Variants in LARP4 observed in about 807,000 individuals in gnomAD.
The protein encoded by LARP4 is la-related protein 4.
A neutral mutation model predicts 92.9 loss-of-function variants in LARP4; 29 were observed. The ratio of observed to expected loss-of-function variants is 0.31; its 90% CI spans 0.23 to 0.43. LARP4 has a LOEUF of 0.43. Ranked by LOEUF, LARP4 falls within the 20% of genes least tolerant of loss-of-function variation. The pLI is 1.00. For missense variants in LARP4, 732 were observed against 860.0 expected (o/e 0.85, Z 1.86); for synonymous variants, 279 against 284.1 (o/e 0.98, Z 0.18).
rs530496746 is a variant in LARP4, at chr12:50,423,231, T to C, written c.19-4531T>C. On this transcript the variant is annotated intron_variant, in intron 1 of 15. Transcript: ENST00000398473. ...AAAAATTTTTATTTTCTTAGTCTTT[T>C]TAGGTTTTTTAGGTTTCAGTTTTAT... Among the ~76,000 whole-genome samples the C allele has an allele frequency of 1.9e-4, 29 of 152,330 alleles. No individual in the cohort carries two copies. The East Asian group carries it at 5.4e-3, about 28-fold the overall frequency.
intron 13 of LARP4, among the ~76,000 whole-genome samples, chr12:50,467,400 C>T (rs1956285843): frequency 6.6e-6 from 1 of 151,832 alleles, no homozygotes; most frequent in Non-Finnish European, 1.5e-5. Flanking sequence ...AAGTGATTCT[C>T]CTGCCTCAGC....
intron 1 of LARP4, among the ~76,000 whole-genome samples, chr12:50,422,345 G>A (rs543231637): frequency 1.5e-4 from 23 of 152,184 alleles, no homozygotes; most frequent in African/African-American, 4.8e-4. Flanking sequence ...AGTTTAACAC[G>A]TTTGCTTTTG....
rs1198297465 is a variant in LARP4, at chr12:50,441,774, C to T, written c.804+131C>T. On this transcript the variant is annotated intron_variant, in intron 8 of 15. Transcript: ENST00000398473. ...CAAAAAGTTTCTGGCTTGGTCCAGG[C>T]GTGGTGGCTCACACCTGTGATCCCA... 1.1e-5 allele frequency: 8 copies of T among 710,764 alleles called. No homozygotes were observed. In the African/African-American group the frequency reaches 1.1e-4, roughly 10 times the overall value. The allele number at this position is 710,764 out of a possible 1,614,324, so 44.0% of individuals were successfully genotyped here. A position where few individuals can be genotyped will look rare whatever the true frequency, so the allele number is the denominator to read the frequency against.
chr12:50,440,033 C>G (rs1950977183), intron 6 of LARP4, among the ~76,000 whole-genome samples: 1 of 152,212 alleles, frequency 6.6e-6, no homozygotes, highest in Non-Finnish European at 1.5e-5. Context: ...TGTGGGAGGC[C>G]AGGCAGGAAA....
intron 8 of LARP4, among the ~76,000 whole-genome samples, chr12:50,447,973 T>C (rs1408532144): frequency 2.6e-5 from 4 of 151,578 alleles, no homozygotes; most frequent in Non-Finnish European, 5.9e-5. Flanking sequence ...GTTCAAGGAG[T>C]TCTCTGCCTC....
Position 50,475,840 on chromosome 12 carries a change from T to C in LARP4, c.2151T>C (p.Tyr717=), listed in dbSNP as rs761537544. ...CTCGACGTAATGGCAAAGAGCAATA[T>C]GTGCCACCCAGATCACCAAAGTAAA... ...GVTRRNGKEQ[Y]VPPRSPK is the part of the protein sequence containing the mutation. Residue 717 remains tyrosine (Y), a synonymous_variant, in exon 16 of 16, where the codon TAT becomes TAC. Transcript: ENST00000398473. 1.3e-5 allele frequency: 21 copies of C among 1,613,262 alleles called. No individual in the cohort carries two copies. In the East Asian group the frequency reaches 4.0e-4, roughly 31 times the overall value.
intron 6 of LARP4, among the ~76,000 whole-genome samples, chr12:50,439,293 A>G (rs941520556): frequency 2.0e-5 from 3 of 152,216 alleles, no homozygotes; most frequent in Non-Finnish European, 2.9e-5. Flanking sequence ...TAAAGAGTTC[A>G]TACACATGAA....
chr12:50,409,786 AAG>A (rs534368700), intron 1 of LARP4, among the ~76,000 whole-genome samples: 74 of 150,994 alleles, frequency 4.9e-4, no homozygotes, highest in African/African-American at 1.8e-3. Flanking sequence ...AGAAAAGAAA[AAG>A]AATTATTATT....
chr12:50,440,385 A>T (rs569789142), intron 6 of LARP4, 54 bp from the exon 7 acceptor site: 1 of 1,288,226 alleles, frequency 7.8e-7, no homozygotes, highest in Admixed American at 1.7e-5. Context: ...CCAACAAAAA[A>T]TGCCAATTAT....
intron 10 of LARP4, among the ~76,000 whole-genome samples, chr12:50,456,302 AC>A (rs1459810740): frequency 3.9e-5 from 6 of 152,294 alleles, no homozygotes. Flanking sequence ...GTTACTTAAA[AC>A]CACTTGTGTA....
intron 1 of LARP4, chr12:50,420,753 T>A (rs1434484438): frequency 6.6e-6 from 1 of 152,094 alleles, no homozygotes; most frequent in East Asian, 1.9e-4. Flanking sequence ...TTGAGAGAAT[T>A]TACTAAGAAG....
chr12:50,400,921 T>C lies in LARP4; in HGVS notation c.-90T>C. ...CTGCCGGGTGGAGGGGCAAGGCGAGTGTGTGTCCTTATCCTAGCAATTGGG... is the reference window on the plus strand; with the variant it reads ...CTGCCGGGTGGAGGGGCAAGGCGAGCGTGTGTCCTTATCCTAGCAATTGGG... On this transcript the variant is annotated 5_prime_UTR_variant, in exon 1 of 16. Transcript: ENST00000398473. The C allele has an allele frequency of 4.5e-6, 7 of 1,563,656 alleles. No individual in the cohort carries two copies. Among genetic ancestry groups the C allele is most frequent in the Non-Finnish European group, 6.2e-6 (7 of 1,134,396 alleles).
intron 1 of LARP4, among the ~76,000 whole-genome samples, chr12:50,404,770 A>G (rs541870012): frequency 4.2e-5 from 6 of 142,162 alleles, no homozygotes; most frequent in East Asian, 4.4e-4. Context: ...GCTCACTGCA[A>G]CCTCCACCTC....
chr12:50,410,370 C>G (rs1290353039), intron 1 of LARP4, among the ~76,000 whole-genome samples: 1 of 151,474 alleles, frequency 6.6e-6, no homozygotes, highest in African/African-American at 2.4e-5. Flanking sequence ...GCCACAACAC[C>G]CAGTCTGTTA....
rs1436237843 is a variant in LARP4 at position 50,404,530 on chromosome 12, G to T, written c.18+3502G>T. Among the ~76,000 whole-genome samples the T allele has an allele frequency of 2.6e-5, 4 of 151,704 alleles. No homozygotes were observed. In the East Asian group the frequency reaches 7.7e-4, roughly 29 times the overall value. On this transcript the variant is annotated intron_variant, in intron 1 of 15. Coordinates refer to ENST00000398473, the MANE Select transcript of LARP4 (RefSeq NM_052879.5). ...TGATTGTGCCACTGCATTCCAGGCC[G>T]GGTGACAGAGCAAGACCAACTATAT...
chr12:50,422,484 T>G (rs1947972474), intron 1 of LARP4, among the ~76,000 whole-genome samples: 1 of 152,198 alleles, frequency 6.6e-6, no homozygotes, highest in South Asian at 2.1e-4. Context: ...AAAATTGGGG[T>G]AAATCTTAAA....
chr12:50,413,673 A>G (rs899829496), intron 1 of LARP4, among the ~76,000 whole-genome samples: 21 of 152,194 alleles, frequency 1.4e-4, no homozygotes, highest in African/African-American at 5.1e-4. Flanking sequence ...TGCTTGATCA[A>G]AATGTCATTA....
chr12:50,467,331 GTT>G (rs774353872), intron 13 of LARP4, among the ~76,000 whole-genome samples: 2 of 136,610 alleles, frequency 1.5e-5, no homozygotes, highest in African/African-American at 2.7e-5. Flanking sequence ...GCATGTCTTT[GTT>G]TTTTTTTTTT....
chr12:50,437,578 C>G (rs1197717428), intron 5 of LARP4, among the ~76,000 whole-genome samples, 157 bp from the exon 6 acceptor site: 2 of 152,102 alleles, frequency 1.3e-5, no homozygotes, highest in African/African-American at 2.4e-5. Flanking sequence ...AATTGTCATA[C>G]CTATAATCTT....
Sources: allele counts gnomAD v4.1 joint callset (sites outside exome capture counted in the v4.1 genomes callset), GRCh38; gene constraint gnomAD v4.1.1; transcripts MANE v1.5; gene names NCBI Gene and HGNC (gene_info 2026-07-23, HGNC 2026-07-21).